KCNK1: variants seen among roughly 807,000 people sequenced by gnomAD.
KCNK1 encodes potassium two pore domain channel subfamily K member 1.
KCNK1 carries 10 observed loss-of-function variants against 22.2 expected under a neutral mutation model. The ratio of observed to expected loss-of-function variants is 0.45; its 90% CI spans 0.28 to 0.76. The LOEUF (loss-of-function observed/expected upper bound fraction) is 0.76, where lower values mean the gene tolerates loss of function less well. Ranked by LOEUF, KCNK1 falls within the 30% of genes least tolerant of loss-of-function variation. The pLI is 0.14. For missense variants in KCNK1, 378 were observed against 421.0 expected, an observed-to-expected ratio of 0.90 and a Z score of 0.89; for synonymous variants, 200 against 186.4, an observed-to-expected ratio of 1.07 and a Z score of -0.60.
At chr1:233,654,225 A>G (rs1658249798) in intron 1 of KCNK1, among the ~76,000 whole-genome samples, 1 of 152,314 alleles carries the variant, frequency 6.6e-6, no homozygotes, top group South Asian at 2.1e-4. Context: ...AAGGGAGAGC[A>G]TCAGGACAAA....
At chr1:233,640,866 A>G (rs1657988259) in intron 1 of KCNK1, among the ~76,000 whole-genome samples, 1 of 151,954 alleles carries the variant, frequency 6.6e-6, no homozygotes, top group Admixed American at 6.6e-5. Context: ...CACCACACCC[A>G]ACTAATTGTT....
chr1:233,649,070 A>G (rs77205871), intron 1 of KCNK1, among the ~76,000 whole-genome samples: 383 of 152,348 alleles, frequency 2.5e-3, no homozygotes, highest in African/African-American at 8.9e-3. Flanking sequence ...CAGATTTGCT[A>G]GGAGAAAGTC....
chr1:233,646,650 T>C (rs1658099126), intron 1 of KCNK1, among the ~76,000 whole-genome samples: 1 of 152,076 alleles, frequency 6.6e-6, no homozygotes, highest in African/African-American at 2.4e-5. Context: ...TGGAGGGTTC[T>C]AATGTGGTGG....
chr1:233,661,938 TG>T (rs1305354330), intron 1 of KCNK1: 1 of 152,144 alleles, frequency 6.6e-6, no homozygotes, highest in Non-Finnish European at 1.5e-5. Context: ...CACCATACAG[TG>T]AGTTTCTGAC....
chr1:233,619,917 AG>A (rs1231777544), intron 1 of KCNK1, among the ~76,000 whole-genome samples: 2 of 698 alleles, frequency 2.9e-3, no homozygotes, highest in Non-Finnish European at 5.6e-3. Flanking sequence ...CGTCTAAGCG[AG>A]GGGGGCGGGG....
At chr1:233,641,173 A>T (rs1657993809) in intron 1 of KCNK1, among the ~76,000 whole-genome samples, 1 of 152,248 alleles carries the variant, frequency 6.6e-6, no homozygotes, top group African/African-American at 2.4e-5. Flanking sequence ...GTAGGTCCTT[A>T]GAGTATGGCT....
At chr1:233,647,461 GTC>G (rs1395227600) in intron 1 of KCNK1, among the ~76,000 whole-genome samples, 1 of 152,126 alleles carries the variant, frequency 6.6e-6, no homozygotes. Context: ...ATGTTTTGAG[GTC>G]TCTTCAGAGG....
At chr1:233,661,768 G>A (rs1230892793) in intron 1 of KCNK1, 1 of 152,130 alleles carries the variant, frequency 6.6e-6, no homozygotes, top group Non-Finnish European at 1.5e-5. Context: ...GAAAAGTATG[G>A]CTGTCAAAAA....
chr1:233,640,195 T>G (rs371219629), intron 1 of KCNK1, among the ~76,000 whole-genome samples: 1 of 152,020 alleles, frequency 6.6e-6, no homozygotes, highest in African/African-American at 2.4e-5. Context: ...GGAAACATAT[T>G]CCTCTGAGAA....
intron 1 of KCNK1, among the ~76,000 whole-genome samples, chr1:233,653,526 G>A (rs1418484676): frequency 6.6e-6 from 1 of 152,206 alleles, no homozygotes; most frequent in Non-Finnish European, 1.5e-5. Context: ...TCAGTAGACT[G>A]AGTAGAGAAG....
intron 1 of KCNK1, among the ~76,000 whole-genome samples, chr1:233,651,368 A>G (rs1210313387): frequency 6.6e-6 from 1 of 152,180 alleles, no homozygotes; most frequent in African/African-American, 2.4e-5. Context: ...GCTGCAGGAT[A>G]ATTATGTCAA....
chr1:233,666,967 A>C lies in KCNK1; in HGVS notation c.728A>C (p.Glu243Ala). 5 of 1,612,454 alleles carry C rather than the reference A, an allele frequency of 3.1e-6. No individual in the cohort carries two copies. The highest frequency in any genetic ancestry group is 4.2e-6 in the Non-Finnish European group (5 of 1,179,348). ...GAAGGCTACAATCAAAAATTCAGAG[A>C]GCTCTATAAGATTGGGATCACGTGT... is the stretch of plus-strand genomic sequence containing the variant. The part of the protein sequence containing the change: ...PGEGYNQKFR[E>A]LYKIGITCYL... The change falls in exon 2 of 3, where the codon GAG becomes GCG. Residue 243 changes from glutamate to alanine, a missense_variant. Physicochemically the swap from Glu to Ala is moderately radical, Grantham distance 107. Transcript: ENST00000366621.
At chr1:233,619,503 TAAA>T (rs1332951809) in intron 1 of KCNK1, among the ~76,000 whole-genome samples, 3 of 152,148 alleles carry the variant, frequency 2.0e-5, no homozygotes, top group Non-Finnish European at 2.9e-5. Context: ...AGTTTTCAAA[TAAA>T]GAAGATGGGA....
chr1:233,629,923 C>T (rs529374939), intron 1 of KCNK1: 6 of 151,990 alleles, frequency 3.9e-5, no homozygotes, highest in African/African-American at 1.4e-4. Flanking sequence ...GGGTGAGTAG[C>T]GAAGTTGTTG....
chr1:233,651,197 AC>A (rs1658196827), intron 1 of KCNK1, among the ~76,000 whole-genome samples: 1 of 152,190 alleles, frequency 6.6e-6, no homozygotes, highest in Non-Finnish European at 1.5e-5. Flanking sequence ...AGTGTGCCCA[AC>A]TGTTCTTGAA....
chr1:233,667,546 C>T (rs995227410), intron 2 of KCNK1, among the ~76,000 whole-genome samples: 2 of 151,374 alleles, frequency 1.3e-5, no homozygotes, highest in African/African-American at 2.4e-5. Context: ...CTGGCTAACA[C>T]GGTGAAACCC....
Position 233,617,482 on chromosome 1 carries a change from A to C in KCNK1, c.355+2956A>C, listed in dbSNP as rs117830839. Reference sequence around the variant, plus strand: ...ACTTATAATAAAATGCAAATTAACAAGATAAAAGCACACACATTTAGTTAA... The same window carrying C: ...ACTTATAATAAAATGCAAATTAACACGATAAAAGCACACACATTTAGTTAA... On this transcript the variant is annotated intron_variant, in intron 1 of 2. Transcript: ENST00000366621. 4.6e-5 allele frequency among the ~76,000 whole-genome samples: 7 copies of C among 152,366 alleles called. No homozygotes were observed. In the East Asian group the frequency reaches 1.3e-3, roughly 29 times the overall value.
At chr1:233,651,539 A>G (rs1000930226) in intron 1 of KCNK1, among the ~76,000 whole-genome samples, 6 of 152,190 alleles carry the variant, frequency 3.9e-5, no homozygotes, top group African/African-American at 1.4e-4. Flanking sequence ...TGTTGTTAAA[A>G]TTTCTAAGAA....
At chr1:233,649,441 T>C (rs1364401645) in intron 1 of KCNK1, among the ~76,000 whole-genome samples, 3 of 152,222 alleles carry the variant, frequency 2.0e-5, no homozygotes, top group Non-Finnish European at 2.9e-5. Flanking sequence ...TTAATGTAGA[T>C]AGACTGGAGA....
Sources: allele counts gnomAD v4.1 joint callset (sites outside exome capture counted in the v4.1 genomes callset), GRCh38; gene constraint gnomAD v4.1.1; transcripts MANE v1.5; gene names NCBI Gene and HGNC (gene_info 2026-07-23, HGNC 2026-07-21).